The following PLEKHS1 variants were observed in gnomAD, a reference collection of about 807,000 sequenced individuals.
The protein encoded by PLEKHS1 is pleckstrin homology domain-containing family S member 1.
PLEKHS1 carries 55 observed loss-of-function variants against 51.0 expected under a neutral mutation model. The ratio of observed to expected loss-of-function variants is 1.08; its 90% CI spans 0.87 to 1.35. The LOEUF (loss-of-function observed/expected upper bound fraction) is 1.35, where lower values mean the gene tolerates loss of function less well. Ranked by LOEUF, PLEKHS1 falls within the 40% of genes most tolerant of loss-of-function variation. PLEKHS1 has a pLI of 0.00. For missense variants in PLEKHS1, 398 were observed against 423.0 expected (o/e 0.94, Z 0.52); for synonymous variants, 153 against 144.8 (o/e 1.06, Z -0.41).
Position 113,768,802 on chromosome 10 carries a change from T to C in PLEKHS1, c.360-13T>C. 6.2e-7 allele frequency: 1 copy of C among 1,608,980 alleles called. No homozygotes were observed. The highest frequency in any genetic ancestry group is 8.5e-7 in the Non-Finnish European group (1 of 1,177,810). ...TTGCCACATGCCAACTGAAAGTTTA[T>C]TCCTGTCAACAGGGAGAAGATTAAA... On this transcript the variant is annotated splice_polypyrimidine_tract_variant and intron_variant, in intron 5 of 11. Transcript: ENST00000361048.
At chr10:113,758,210 G>C (rs1231390495) in intron 2 of PLEKHS1, among the ~76,000 whole-genome samples, 3 of 152,104 alleles carry the variant, frequency 2.0e-5, no homozygotes, top group Non-Finnish European at 4.4e-5. Context: ...ACTTTGCCCA[G>C]ATCCATCAGA....
rs760802460 is a variant in PLEKHS1, at chr10:113,777,441, C to G, written c.1091+1575C>G. The G allele has an allele frequency of 2.5e-6, 4 of 1,605,516 alleles. No homozygotes were observed. In the Admixed American group the frequency reaches 6.8e-5, roughly 27 times the overall value. ...TTCAGGATTCTTTCATATCAAGTAG[C>G]ATTTGGAGAAGGCACTGAGCTAAGA... On this transcript the variant is annotated intron_variant, in intron 11 of 11. Transcript: ENST00000361048.
intron 7 of PLEKHS1, among the ~76,000 whole-genome samples, chr10:113,770,528 A>G (rs1018513070): frequency 2.6e-5 from 4 of 152,118 alleles, no homozygotes; most frequent in Non-Finnish European, 5.9e-5. Context: ...CACGGATACT[A>G]TTTTGTCTCT....
chr10:113,768,721 C>A, intron 5 of PLEKHS1, 94 bp from the exon 6 acceptor site: 1 of 1,010,636 alleles, frequency 9.9e-7, no homozygotes. Flanking sequence ...TACCTGCTCT[C>A]ACCACCATTC....
rs748547401 is a variant in PLEKHS1, at chr10:113,780,592, T to C, written c.*-10T>C. On this transcript the variant is annotated splice_polypyrimidine_tract_variant and intron_variant, in intron 11 of 11. Coordinates refer to ENST00000361048, the Ensembl canonical transcript of PLEKHS1. ...TTAGCCATTTAACTTTCTTCTTTCTTGTGTTTTAGAAATTAAAGCTTACCA... is the reference window on the plus strand; with the variant it reads ...TTAGCCATTTAACTTTCTTCTTTCTCGTGTTTTAGAAATTAAAGCTTACCA... The C allele has an allele frequency of 1.4e-5, 22 of 1,609,882 alleles. No homozygotes were observed. Among genetic ancestry groups the C allele is most frequent in the Non-Finnish European group, 1.6e-5 (19 of 1,176,690 alleles).
chr10:113,769,673 GT>G lies in PLEKHS1; in HGVS notation c.436-109del, dbSNP rs143018992. 3,819 of 730,862 alleles carry G rather than the reference GT, an allele frequency of 5.2e-3. 105 individuals carry two copies. In the African/African-American group the frequency reaches 0.061, roughly 12 times the overall value. The allele number at this position is 730,862 out of a possible 1,614,324, so 45.3% of individuals were successfully genotyped here. ...ATGCTGGCAGGCCAGCGGCATGAATGTTAGATTGCTATGGGAAAAGACAGGA... is the reference window on the plus strand; with the variant it reads ...ATGCTGGCAGGCCAGCGGCATGAATGTAGATTGCTATGGGAAAAGACAGGA... On this transcript the variant is annotated intron_variant, in intron 6 of 11. Coordinates refer to ENST00000361048, the Ensembl canonical transcript of PLEKHS1.
Position 113,767,666 on chromosome 10 carries a change from A to G in PLEKHS1, c.359+187A>G, listed in dbSNP as rs145378275. Among the ~76,000 whole-genome samples the G allele has an allele frequency of 3.5e-3, 535 of 152,360 alleles. 6 individuals are homozygous for G. The highest frequency in any genetic ancestry group is 0.013 in the African/African-American group (520 of 41,584). ...ACTGAGCTAGTTTCCTAGGGCTGCTATAACAAAGAACCTCATCCTGGATAA... is the reference window on the plus strand; with the variant it reads ...ACTGAGCTAGTTTCCTAGGGCTGCTGTAACAAAGAACCTCATCCTGGATAA... On this transcript the variant is annotated intron_variant, in intron 5 of 11. Transcript: ENST00000361048.
intron 2 of PLEKHS1, among the ~76,000 whole-genome samples, chr10:113,765,756 G>A (rs1593022440): frequency 6.6e-6 from 1 of 152,104 alleles, no homozygotes; most frequent in Non-Finnish European, 1.5e-5. Flanking sequence ...TTTTGGGTTT[G>A]TTTTTGTTTT....
At chr10:113,776,799 T>C (rs946252430) in intron 11 of PLEKHS1, among the ~76,000 whole-genome samples, 4 of 152,098 alleles carry the variant, frequency 2.6e-5, no homozygotes, top group African/African-American at 9.7e-5. Flanking sequence ...AACAAGTAAA[T>C]GTAAAATGCA....
intron 11 of PLEKHS1, among the ~76,000 whole-genome samples, chr10:113,780,167 T>C (rs1318841912): frequency 6.6e-6 from 1 of 151,876 alleles, no homozygotes; most frequent in East Asian, 1.9e-4. Flanking sequence ...AGAACTGAGA[T>C]TTTCAAGGGA....
chr10:113,777,274 C>T lies in PLEKHS1; in HGVS notation c.1091+1408C>T, dbSNP rs769256621. ...TCCAGAAGGAGGTGAGTCGTACTGA[C>T]CAGCCCTGAACAGGGCAAATCAGTA... On this transcript the variant is annotated intron_variant, in intron 11 of 11. Transcript: ENST00000361048. 1.2e-6 allele frequency: 2 copies of T among 1,612,608 alleles called. No individual in the cohort carries two copies. The highest frequency in any genetic ancestry group is 1.3e-5 in the African/African-American group (1 of 74,934).
At chr10:113,763,537 T>C (rs1844035911) in intron 2 of PLEKHS1, among the ~76,000 whole-genome samples, 1 of 152,218 alleles carries the variant, frequency 6.6e-6, no homozygotes, top group Admixed American at 6.5e-5. Context: ...TTTTCTGCCT[T>C]CTTTTGGAAT....
chr10:113,777,537 G>T (rs1844730090), intron 11 of PLEKHS1: 1 of 1,553,036 alleles, frequency 6.4e-7, no homozygotes, highest in African/African-American at 1.4e-5. Context: ...GAATCAGACT[G>T]GTGCAGGGAT....
At chr10:113,775,272 T>G (rs1844598263) in intron 10 of PLEKHS1, among the ~76,000 whole-genome samples, 1 of 151,874 alleles carries the variant, frequency 6.6e-6, no homozygotes, top group African/African-American at 2.4e-5. Context: ...TTTTAAAAAT[T>G]CCCCCTTGGC....
At chr10:113,762,022 T>G (rs1408399416) in intron 2 of PLEKHS1, among the ~76,000 whole-genome samples, 1 of 152,084 alleles carries the variant, frequency 6.6e-6, no homozygotes, top group East Asian at 1.9e-4. Flanking sequence ...AGGTTATCTA[T>G]TTCTTCTTCA....
intron 8 of PLEKHS1, 96 bp downstream of exon 8, chr10:113,772,185 T>C: frequency 7.4e-7 from 1 of 1,343,192 alleles, no homozygotes; most frequent in Non-Finnish European, 1.0e-6. Flanking sequence ...CTATGGTCAG[T>C]GGGAACACAG....
At chr10:113,774,235 T>C in exon 9 of PLEKHS1, 1 of 1,593,386 alleles carries the variant, frequency 6.3e-7, no homozygotes, top group Non-Finnish European at 8.6e-7. Context: ...AGTTGGATAA[T>C]ATCATTGCTT....
In PLEKHS1 at chr10:113,769,664, G is replaced by A. The variant is rs149304435; in HGVS notation, c.436-120G>A. ...GGTGAAATAATGCTGGCAGGCCAGCGGCATGAATGTTAGATTGCTATGGGA... is the reference window on the plus strand; with the variant it reads ...GGTGAAATAATGCTGGCAGGCCAGCAGCATGAATGTTAGATTGCTATGGGA... On this transcript the variant is annotated intron_variant, in intron 6 of 11. Transcript: ENST00000361048. 2.4e-5 allele frequency: 17 copies of A among 705,522 alleles called. No homozygotes were observed. The East Asian group carries it at 3.0e-4, about 12-fold the overall frequency. The allele number at this position is 705,522 out of a possible 1,614,324, so 43.7% of individuals were successfully genotyped here.
chr10:113,765,272 T>C (rs1228090848), intron 2 of PLEKHS1: 3 of 691,104 alleles, frequency 4.3e-6, no homozygotes, highest in Non-Finnish European at 8.1e-6. Flanking sequence ...TTTGGAGCAG[T>C]GCTCAGTGTA....
Sources: gnomAD v4.1 joint callset for allele counts (sites outside exome capture counted in the v4.1 genomes callset) on GRCh38, gnomAD v4.1.1 for gene constraint, MANE v1.5 for transcripts, NCBI Gene and HGNC (gene_info 2026-07-23, HGNC 2026-07-21) for gene names.